Variants in COL6A3 observed in about 807,000 individuals in gnomAD.
COL6A3 encodes the protein collagen type VI alpha 3 chain, also known as collagen alpha-3(VI) chain.
Under a neutral mutation model 274.1 loss-of-function variants are expected in COL6A3, and 137 were observed. The ratio of observed to expected loss-of-function variants is 0.50; its 90% CI spans 0.44 to 0.58. The LOEUF is 0.58. Among genes scored for constraint, COL6A3 ranks in the 20% least tolerant of loss-of-function variants. The pLI is 0.00. For synonymous variants in COL6A3, 1,650 were observed against 1,650.6 expected, an observed-to-expected ratio of 1.00 and a Z score of 0.01; for missense variants, 3,950 against 4,124.9, an observed-to-expected ratio of 0.96 and a Z score of 1.16.
At chr2:237,366,210 G>C (rs564651824) in intron 11 of COL6A3, among the ~76,000 whole-genome samples, 175 bp from the exon 12 acceptor site, 1 of 152,186 alleles carries the variant, frequency 6.6e-6, no homozygotes, top group African/African-American at 2.4e-5. Context: ...CTCTCACAGA[G>C]AGAAATGAGG....
At chr2:237,366,108 A>G (rs2077546027) in intron 11 of COL6A3, 73 bp from the exon 12 acceptor site, 1 of 1,352,612 alleles carries the variant, frequency 7.4e-7, no homozygotes, top group Non-Finnish European at 1.1e-6. Flanking sequence ...TACCAGCAGT[A>G]GGGACAACCC....
At chr2:237,412,409 G>A (rs553999133) in intron 1 of COL6A3, among the ~76,000 whole-genome samples, 14 of 152,326 alleles carry the variant, frequency 9.2e-5, no homozygotes, top group Middle Eastern at 3.4e-3. Flanking sequence ...GGGATCCTCC[G>A]TCACTGGCTT....
chr2:237,381,185 A>G lies in COL6A3; in HGVS notation c.1627T>C (p.Tyr543His), dbSNP rs539057609. The change falls in exon 5 of 44, where the codon TAC becomes CAC. Residue 543 changes from tyrosine (Y) to histidine (H), a missense_variant. Transcript: ENST00000295550. The part of the protein sequence containing the change: ...RNNLFTSSAG[Y>H]RAAEGIPKLL... ...TTAGGAATCCCCTCGGCAGCCCGGTAGCCGGCTGAACTCGTGAATAGGTTG... is the reference window on the plus strand; with the variant it reads ...TTAGGAATCCCCTCGGCAGCCCGGTGGCCGGCTGAACTCGTGAATAGGTTG... 4 of 1,614,286 alleles carry G rather than the reference A, an allele frequency of 2.5e-6. No homozygotes were observed. Among genetic ancestry groups the G allele is most frequent in the Non-Finnish European group, 3.4e-6 (4 of 1,180,052 alleles).
intron 31 of COL6A3, 55 bp downstream of exon 31, chr2:237,347,752 C>A: frequency 6.7e-7 from 1 of 1,498,882 alleles, no homozygotes; most frequent in Non-Finnish European, 9.2e-7. Flanking sequence ...CAGTTAATCA[C>A]ATTGAGACAT....
At chr2:237,410,374 C>T (rs1177938955) in intron 1 of COL6A3, among the ~76,000 whole-genome samples, 1 of 150,292 alleles carries the variant, frequency 6.7e-6, no homozygotes, top group Admixed American at 6.7e-5. Flanking sequence ...GGCATAGTCA[C>T]GGCTCACTGC....
intron 40 of COL6A3, 25 bp downstream of exon 40, chr2:237,336,110 G>A (rs1166564436): frequency 8.1e-6 from 13 of 1,612,614 alleles, no homozygotes; most frequent in Non-Finnish European, 1.1e-5. Context: ...TCACAAGATG[G>A]CAGCCCTAGC....
At chr2:237,337,679 C>T (rs1462972472) in intron 39 of COL6A3, among the ~76,000 whole-genome samples, 1 of 152,240 alleles carries the variant, frequency 6.6e-6, no homozygotes. Flanking sequence ...CTGTGACATT[C>T]TCTTAAGGAG....
rs746855008 is a variant in COL6A3, at chr2:237,368,685, A to G, written c.4778T>C (p.Val1593Ala). The stretch of plus-strand genomic sequence containing the variant: ...CTCTCTGAACTCTCGCACTGTGAAG[A>G]CCAGTCTGGGGTCATTGGTGATGGT... ...LQTITNDPRL[V>A]FTVREFRELP... The change falls in exon 10 of 44, where the codon GTC becomes GCC. Residue 1593 changes from valine (V) to alanine (A), a missense_variant. Around this residue, in one of 5 missense-constraint regions of COL6A3, gnomAD observed 632 missense variants for 623.4 expected, o/e 1.01. Coordinates refer to ENST00000295550, the MANE Select transcript of COL6A3 (RefSeq NM_004369.4). This position sits in a 1 kb window ranked among gnomAD's most constrained non-coding sequence, Gnocchi z 4.4. 11 of 1,613,996 alleles carry G rather than the reference A, an allele frequency of 6.8e-6. No homozygotes were observed. The East Asian group carries it at 2.2e-4, about 33-fold the overall frequency.
chr2:237,373,715 C>T (rs1028875030), intron 8 of COL6A3, among the ~76,000 whole-genome samples: 5 of 151,946 alleles, frequency 3.3e-5, no homozygotes, highest in African/African-American at 9.7e-5. Flanking sequence ...CCCCCCCACC[C>T]GAGTGACCCG....
chr2:237,398,487 C>T (rs1215099813), intron 1 of COL6A3, among the ~76,000 whole-genome samples: 3 of 152,150 alleles, frequency 2.0e-5, no homozygotes, highest in Non-Finnish European at 4.4e-5. Context: ...CCCTTAAGAC[C>T]CCTCCAGAGA....
In COL6A3 at chr2:237,360,290, G is replaced by A. The variant is rs909408569; in HGVS notation, c.6211-131C>T. 7 of 914,502 alleles carry A rather than the reference G, an allele frequency of 7.7e-6. 1 individual carries two copies. In the East Asian group the frequency reaches 7.9e-5, roughly 10 times the overall value. The allele number at this position is 914,502 out of a possible 1,614,324, so 56.6% of individuals were successfully genotyped here. A position where few individuals can be genotyped will look rare whatever the true frequency, so the allele number is the denominator to read the frequency against. ...AGCAGATTTCACCATGGGGAACGCCGATCGAGGCTACGTGAGCCAGGGAGC... is the reference window on the plus strand; with the variant it reads ...AGCAGATTTCACCATGGGGAACGCCAATCGAGGCTACGTGAGCCAGGGAGC... On this transcript the variant is annotated intron_variant, in intron 16 of 43. Transcript: ENST00000295550.
At chr2:237,357,480 G>T in intron 22 of COL6A3, 89 bp from the exon 23 acceptor site, 1 of 1,248,132 alleles carries the variant, frequency 8.0e-7, no homozygotes, top group Non-Finnish European at 1.2e-6. Flanking sequence ...CAGGGAAAGG[G>T]GTCGATTCAC....
At chr2:237,384,300 C>T (rs2078088321) in intron 4 of COL6A3, among the ~76,000 whole-genome samples, 1 of 152,120 alleles carries the variant, frequency 6.6e-6, no homozygotes, top group Non-Finnish European at 1.5e-5. Flanking sequence ...AACCCAAACA[C>T]AGCTGTCTTA....
At chr2:237,341,964 C>T in intron 37 of COL6A3, 101 bp downstream of exon 37, 1 of 999,122 alleles carries the variant, frequency 1.0e-6, no homozygotes, top group Admixed American at 2.0e-5. Flanking sequence ...CAATTGAACT[C>T]AAGCTCTTTT....
At chr2:237,357,111 A>G (rs2077335867) in intron 23 of COL6A3, 1 of 644,830 alleles carries the variant, frequency 1.6e-6, no homozygotes, top group African/African-American at 1.8e-5. Flanking sequence ...TTTTAAAAGT[A>G]TCTGTTCAGT....
chr2:237,380,124 A>AAGAG (rs10651570), intron 5 of COL6A3, among the ~76,000 whole-genome samples: 56,708 of 151,740 alleles, frequency 0.37, 12,415 homozygotes, highest in African/African-American at 0.62. Context: ...AAAATTTTAA[A>AAGAG]AGAGAGAGAA....
intron 5 of COL6A3, among the ~76,000 whole-genome samples, chr2:237,379,463 C>T (rs1316843135): frequency 6.6e-6 from 1 of 152,118 alleles, no homozygotes; most frequent in Non-Finnish European, 1.5e-5. Flanking sequence ...CAAGTTGGCT[C>T]AAAGAGAGCT....
chr2:237,401,379 C>A lies in COL6A3; in HGVS notation c.-30-4532G>T, dbSNP rs150344186. ...GATGAGATGAATAAAGAAATTAATT[C>A]ATTTCAACAGTGTTTTATAGTTTTT... On this transcript the variant is annotated intron_variant, in intron 1 of 43. Transcript: ENST00000295550. Among the ~76,000 whole-genome samples the A allele has an allele frequency of 2.0e-5, 3 of 151,272 alleles. No homozygotes were observed. In the East Asian group the frequency reaches 5.8e-4, roughly 29 times the overall value.
At chr2:237,405,621 A>G (rs2078700728) in intron 1 of COL6A3, among the ~76,000 whole-genome samples, 1 of 152,080 alleles carries the variant, frequency 6.6e-6, no homozygotes, top group Non-Finnish European at 1.5e-5. Context: ...TCCATTTTAT[A>G]GCTGAGAAAT....
Sources: allele counts gnomAD v4.1 joint callset (sites outside exome capture counted in the v4.1 genomes callset), GRCh38; gene constraint gnomAD v4.1.1; regional missense constraint gnomAD v4.1.1; non-coding constraint Gnocchi (gnomAD v3.1); transcripts MANE v1.5; gene names NCBI Gene and HGNC (gene_info 2026-07-23, HGNC 2026-07-21).